Variants in PRKCA observed in about 807,000 individuals in gnomAD.
PRKCA encodes the protein protein kinase C alpha.
In PRKCA, 27 loss-of-function variants were observed where a neutral mutation model predicts 87.0. The observed-to-expected ratio is 0.31, with a 90% CI of 0.23 to 0.43. The LOEUF is 0.43. Ranked by LOEUF, PRKCA falls within the 20% of genes least tolerant of loss-of-function variation. The probability of loss-of-function intolerance (pLI) is 1.00; values close to 1 mark genes in which losing one functional copy is unlikely to be tolerated. For synonymous variants in PRKCA, 329 were observed against 311.1 expected, an observed-to-expected ratio of 1.06 and a Z score of -0.61; for missense variants, 518 against 852.3, an observed-to-expected ratio of 0.61 and a Z score of 4.88.
intron 5 of PRKCA, among the ~76,000 whole-genome samples, chr17:66,653,755 G>T (rs1971652953): frequency 7.3e-6 from 1 of 136,286 alleles, no homozygotes; most frequent in Admixed American, 7.8e-5. Flanking sequence ...CTACTTTAAA[G>T]ACACCAGCTT....
At chr17:66,642,876 C>G (rs1178922153) in intron 4 of PRKCA, among the ~76,000 whole-genome samples, 4 of 152,120 alleles carry the variant, frequency 2.6e-5, no homozygotes, top group African/African-American at 9.7e-5. Flanking sequence ...AACCCCGTCT[C>G]TACTAAAAAT....
chr17:66,746,824 G>A (rs1228621245), intron 13 of PRKCA, among the ~76,000 whole-genome samples: 1 of 152,162 alleles, frequency 6.6e-6, no homozygotes, highest in Non-Finnish European at 1.5e-5. Flanking sequence ...CCTTGAGCAG[G>A]CCAAGCAAAG....
intron 10 of PRKCA, among the ~76,000 whole-genome samples, 200 bp from the exon 11 acceptor site, chr17:66,738,564 T>C (rs1974090995): frequency 6.6e-6 from 1 of 152,268 alleles, no homozygotes; most frequent in Non-Finnish European, 1.5e-5. Flanking sequence ...AATGACTTTA[T>C]ACTTCCCAAG....
At chr17:66,372,493 G>A (rs1002920044) in intron 2 of PRKCA, among the ~76,000 whole-genome samples, 8 of 152,096 alleles carry the variant, frequency 5.3e-5, no homozygotes, top group Non-Finnish European at 1.0e-4. Context: ...ATAGTCTCAC[G>A]CAAAATTTAA....
chr17:66,411,550 G>A (rs774271757), intron 2 of PRKCA, among the ~76,000 whole-genome samples: 1 of 152,124 alleles, frequency 6.6e-6, no homozygotes, highest in African/African-American at 2.4e-5. Flanking sequence ...GTGGACTGCC[G>A]GGAGTCTACA....
chr17:66,525,051 A>G (rs899255194), intron 3 of PRKCA, among the ~76,000 whole-genome samples: 5 of 152,160 alleles, frequency 3.3e-5, no homozygotes, highest in African/African-American at 1.2e-4. Flanking sequence ...ACTTCCTTTG[A>G]CCAGCAGAAT....
intron 3 of PRKCA, among the ~76,000 whole-genome samples, chr17:66,511,842 G>A (rs1340601345): frequency 2.0e-5 from 3 of 151,798 alleles, no homozygotes; most frequent in Admixed American, 1.3e-4. Flanking sequence ...CACCACACTC[G>A]GCTTATTTTT....
intron 10 of PRKCA, among the ~76,000 whole-genome samples, chr17:66,736,339 G>A (rs1458264235): frequency 2.0e-5 from 3 of 150,656 alleles, no homozygotes; most frequent in Non-Finnish European, 4.4e-5. Context: ...GTGCAATGGT[G>A]CGATCTCTGC....
intron 3 of PRKCA, among the ~76,000 whole-genome samples, chr17:66,624,300 C>A (rs1970779534): frequency 1.3e-5 from 2 of 151,972 alleles, no homozygotes; most frequent in Admixed American, 1.3e-4. Flanking sequence ...GAGACATTGC[C>A]AGCCACATGG....
At chr17:66,711,967 C>G (rs1194740352) in intron 8 of PRKCA, among the ~76,000 whole-genome samples, 3 of 152,118 alleles carry the variant, frequency 2.0e-5, no homozygotes, top group Admixed American at 2.0e-4. Context: ...GTGGTAAATA[C>G]TGTGTGTGAA....
intron 3 of PRKCA, among the ~76,000 whole-genome samples, chr17:66,518,759 A>G (rs933791603): frequency 3.3e-5 from 5 of 152,202 alleles, no homozygotes; most frequent in Admixed American, 2.0e-4. Flanking sequence ...TTAGTCTCCT[A>G]AACTGGGTGT....
intron 10 of PRKCA, among the ~76,000 whole-genome samples, chr17:66,736,761 C>G (rs1426174890): frequency 6.6e-6 from 1 of 152,164 alleles, no homozygotes. Context: ...TCCAAAGAGT[C>G]ATATATCGTG....
At chr17:66,773,495 C>CTTTT (rs59316874) in intron 13 of PRKCA, among the ~76,000 whole-genome samples, 1 of 124,638 alleles carries the variant, frequency 8.0e-6, no homozygotes, top group African/African-American at 2.9e-5. Context: ...CTGGCTTTTC[C>CTTTT]TTTTTTTTTT....
chr17:66,421,448 T>C, intron 2 of PRKCA, among the ~76,000 whole-genome samples: 1 of 127,616 alleles, frequency 7.8e-6, no homozygotes, highest in South Asian at 2.6e-4. Context: ...TTTTTTTTTT[T>C]ATAGCTCTAT....
intron 7 of PRKCA, 61 bp from the exon 8 acceptor site, chr17:66,688,890 A>C: frequency 9.5e-7 from 1 of 1,057,402 alleles, no homozygotes; most frequent in Non-Finnish European, 1.5e-6. Context: ...GCTCGACTAG[A>C]GGCTGCAGGA....
At chr17:66,499,170 G>C (rs892492480) in intron 3 of PRKCA, among the ~76,000 whole-genome samples, 9 of 151,968 alleles carry the variant, frequency 5.9e-5, no homozygotes, top group Admixed American at 2.6e-4. Context: ...TGCCTTGGAT[G>C]TGGATCATTT....
chr17:66,384,176 C>T (rs1007538551), intron 2 of PRKCA, among the ~76,000 whole-genome samples: 1 of 152,102 alleles, frequency 6.6e-6, no homozygotes, highest in Non-Finnish European at 1.5e-5. Context: ...TCTGCCCGCA[C>T]TTTAGGGCCA....
chr17:66,662,429 A>C (rs1160313045), intron 5 of PRKCA, among the ~76,000 whole-genome samples: 1 of 152,110 alleles, frequency 6.6e-6, no homozygotes, highest in African/African-American at 2.4e-5. Flanking sequence ...AGCGGCACCC[A>C]AGCAGCTTGA....
intron 2 of PRKCA, among the ~76,000 whole-genome samples, chr17:66,403,002 G>C (rs1373458072): frequency 6.6e-6 from 1 of 152,158 alleles, no homozygotes; most frequent in Non-Finnish European, 1.5e-5. Flanking sequence ...GGTCCTTTTA[G>C]TCACATTTAT....
Sources: allele counts gnomAD v4.1 joint callset (sites outside exome capture counted in the v4.1 genomes callset), GRCh38; gene constraint gnomAD v4.1.1; transcripts MANE v1.5; gene names NCBI Gene and HGNC (gene_info 2026-07-23, HGNC 2026-07-21).